SLC36A3: variants seen among roughly 807,000 people sequenced by gnomAD.
SLC36A3 encodes solute carrier family 36 member 3.
A neutral mutation model predicts 44.3 loss-of-function variants in SLC36A3; 35 were observed. The observed-to-expected ratio is 0.79, with a 90% confidence interval of 0.60 to 1.05. The LOEUF is 1.05. Among genes scored for constraint, SLC36A3 ranks in the 50% least tolerant of loss-of-function variants. SLC36A3 has a pLI of 0.00. For synonymous variants in SLC36A3, 211 were observed against 227.6 expected (o/e 0.93, Z 0.66); for missense variants, 540 against 578.7 (o/e 0.93, Z 0.69).
intron 4 of SLC36A3, among the ~76,000 whole-genome samples, chr5:151,289,835 G>A (rs1754689722): frequency 6.6e-6 from 1 of 152,130 alleles, no homozygotes; most frequent in Non-Finnish European, 1.5e-5. Context: ...TGCTTTGTTG[G>A]TGACTGCCAG....
At chr5:151,299,881 G>GCATCATCATCGTCATATCATTGTCTCAT (rs1215458256) in intron 1 of SLC36A3, among the ~76,000 whole-genome samples, 1 of 152,188 alleles carries the variant, frequency 6.6e-6, no homozygotes, top group East Asian at 1.9e-4. Context: ...ACAGATGTGA[G>GCATCATCATCGTCATATCATTGTCTCAT]CATCATCATC....
chr5:151,299,225 G>GCGCTCTCTCT (rs1554095806), intron 1 of SLC36A3, among the ~76,000 whole-genome samples: 1 of 92,386 alleles, frequency 1.1e-5, no homozygotes, highest in African/African-American at 4.3e-5. Context: ...TTGCTTGTGC[G>GCGCTCTCTCT]CTCTCTCTCT....
chr5:151,290,147 T>C (rs1754703970), intron 4 of SLC36A3, among the ~76,000 whole-genome samples: 1 of 152,218 alleles, frequency 6.6e-6, no homozygotes, highest in Non-Finnish European at 1.5e-5. Flanking sequence ...TTCTTTTGGG[T>C]TCTTAAATTA....
chr5:151,287,396 G>A lies in SLC36A3; in HGVS notation c.558C>T (p.Ile186=). ...QPREILTLTP[I]LDIRFYMLII... ...TCAGCATGTAGAAACGAATGTCCAG[G>A]ATGGGGGTCAGCGTCAGAATCTCCC... Residue 186 remains isoleucine (I), a synonymous_variant, in exon 6 of 10, where the codon ATC becomes ATT. Transcript: ENST00000335230. 1 of 1,614,144 alleles carries A rather than the reference G, an allele frequency of 6.2e-7. No individual in the cohort carries two copies. The highest frequency in any genetic ancestry group is 8.5e-7 in the Non-Finnish European group (1 of 1,180,022).
In SLC36A3 at chr5:151,288,415, AAT is replaced by A. The variant is rs1473339275; in HGVS notation, c.458_459del (p.Tyr153PhefsTer79). 6.2e-7 allele frequency: 1 copy of A among 1,603,128 alleles called. No individual in the cohort carries two copies. Among genetic ancestry groups the A allele is most frequent in the African/African-American group, 1.3e-5 (1 of 74,482 alleles). On this transcript the variant is annotated frameshift_variant, in exon 5 of 10. Transcript: ENST00000335230. LOFTEE classifies it high-confidence loss of function. ...VITQLGFCSVYFMFMADNLQQ... is the reference protein window; with the variant it reads ...VITQLGFCSVXFMFMADNLQQ... ...TGTAAATTGTCTGCCATAAACATAAAATAAACACTGCAGAAGCCCAGCTGGGT... is the reference window on the plus strand; with the variant it reads ...TGTAAATTGTCTGCCATAAACATAAAAAACACTGCAGAAGCCCAGCTGGGT...
chr5:151,288,451 A>G lies in SLC36A3; in HGVS notation c.424T>C (p.Leu142=), dbSNP rs1754629350. Residue 142 remains leucine, a synonymous_variant, in exon 5 of 10, where the codon TTA becomes CTA. Transcript: ENST00000335230. ...VWGRYTVSFL[L]VITQLGFCSV... ...CAGAAGCCCAGCTGGGTGATGACTA[A>G]TAAGAAGCTGACAGTGTACCTGGGA... 2.5e-6 allele frequency: 4 copies of G among 1,587,540 alleles called. No individual in the cohort carries two copies. The highest frequency in any genetic ancestry group is 3.4e-6 in the Non-Finnish European group (4 of 1,166,196).
chr5:151,293,338 A>T, intron 4 of SLC36A3, 26 bp downstream of exon 4: 1 of 1,571,746 alleles, frequency 6.4e-7, no homozygotes, highest in Non-Finnish European at 8.7e-7. Flanking sequence ...TTTTGTTGTT[A>T]CTACTACAAC....
chr5:151,287,390 G>A lies in SLC36A3; in HGVS notation c.564C>T (p.Asp188=). The A allele has an allele frequency of 6.2e-7, 1 of 1,614,168 alleles. No homozygotes were observed. The highest frequency in any genetic ancestry group is 8.5e-7 in the Non-Finnish European group (1 of 1,180,026). ...REILTLTPIL[D]IRFYMLIILP... ...GGATTATCAGCATGTAGAAACGAAT[G>A]TCCAGGATGGGGGTCAGCGTCAGAA... Residue 188 remains aspartate, a synonymous_variant, in exon 6 of 10, where the codon GAC becomes GAT. Transcript: ENST00000335230.
intron 4 of SLC36A3, among the ~76,000 whole-genome samples, chr5:151,289,667 T>C (rs1754684029): frequency 1.3e-5 from 2 of 152,196 alleles, no homozygotes; most frequent in African/African-American, 4.8e-5. Flanking sequence ...TTGAAGAGTA[T>C]AGGCCAATTG....
intron 6 of SLC36A3, among the ~76,000 whole-genome samples, chr5:151,285,619 T>C (rs771188833): frequency 1.3e-5 from 2 of 152,234 alleles, no homozygotes; most frequent in Non-Finnish European, 2.9e-5. Flanking sequence ...GATGAGAGTA[T>C]GTTATGTTAC....
chr5:151,284,074 G>A lies in SLC36A3; in HGVS notation c.944C>T (p.Ala315Val), dbSNP rs1754435255. 1 of 1,613,382 alleles carries A rather than the reference G, an allele frequency of 6.2e-7. No homozygotes were observed. ...GYMKFGSDTQ[A>V]SITLNLPNCW... The stretch of plus-strand genomic sequence containing the variant: ...ATTGGGCAAGTTGAGGGTGATGCTG[G>A]CCTGGGTGTCTGACCCAAACTTCAT... Residue 315 changes from alanine (A) to valine (V), a missense_variant, in exon 8 of 10, where the codon GCC (alanine) becomes GTC (valine). Ala to Val is a moderately conservative substitution (Grantham distance 64). Transcript: ENST00000335230.
At chr5:151,303,134 G>C in intron 1 of SLC36A3, 93 bp downstream of exon 1, 3 of 1,444,842 alleles carry the variant, frequency 2.1e-6, no homozygotes, top group Non-Finnish European at 2.8e-6. Context: ...TGGAATAAGC[G>C]TGTTAAGGAG....
At chr5:151,293,905 C>T (rs925409168) in intron 3 of SLC36A3, among the ~76,000 whole-genome samples, 3 of 152,244 alleles carry the variant, frequency 2.0e-5, no homozygotes, top group African/African-American at 7.2e-5. Flanking sequence ...GCCCAGCCCC[C>T]TGTAGGATGT....
At chr5:151,285,634 C>A (rs535765183) in intron 6 of SLC36A3, among the ~76,000 whole-genome samples, 1 of 152,222 alleles carries the variant, frequency 6.6e-6, no homozygotes, top group South Asian at 2.1e-4. Context: ...TGTTACATGG[C>A]GAGGGAGAAT....
At chr5:151,282,355 A>G (rs137921084) in intron 8 of SLC36A3, among the ~76,000 whole-genome samples, 2,342 of 151,458 alleles carry the variant, frequency 0.015, 34 homozygotes, top group Non-Finnish European at 0.025. Flanking sequence ...TTTAGTAGAG[A>G]CGGGGTTTCT....
chr5:151,288,738 TGA>T (rs1476734701), intron 4 of SLC36A3, among the ~76,000 whole-genome samples: 1 of 151,340 alleles, frequency 6.6e-6, no homozygotes, highest in East Asian at 1.9e-4. Context: ...TATAGACGAA[TGA>T]ATATTCGTCT....
intron 5 of SLC36A3, 40 bp from the exon 6 acceptor site, chr5:151,287,504 T>C: frequency 6.3e-7 from 1 of 1,579,702 alleles, no homozygotes. Context: ...GGTTGCTACG[T>C]AAAACACAGG....
At chr5:151,284,951 A>G (rs577408693) in intron 6 of SLC36A3, among the ~76,000 whole-genome samples, 3 of 152,340 alleles carry the variant, frequency 2.0e-5, no homozygotes, top group African/African-American at 7.2e-5. Flanking sequence ...AATATGAAGA[A>G]CATTCACGTT....
intron 5 of SLC36A3, 59 bp downstream of exon 5, chr5:151,288,327 T>C: frequency 1.5e-6 from 2 of 1,366,840 alleles, no homozygotes; most frequent in South Asian, 1.4e-5. Context: ...TTTGCTAATG[T>C]AGCCTCAGCA....
Sources: gnomAD v4.1 joint callset for allele counts (sites outside exome capture counted in the v4.1 genomes callset) on GRCh38, gnomAD v4.1.1 for gene constraint, MANE v1.5 for transcripts, NCBI Gene and HGNC (gene_info 2026-07-23, HGNC 2026-07-21) for gene names.